GPC5: variants seen among roughly 807,000 people sequenced by gnomAD.
GPC5 encodes glypican 5.
Under a neutral mutation model 53.9 loss-of-function variants are expected in GPC5, and 47 were observed. That is an observed-to-expected ratio of 0.87 (90% CI 0.69 to 1.11). The LOEUF is 1.11. GPC5 is among the 50% of genes most tolerant of loss of function. The pLI, the probability that GPC5 is intolerant of heterozygous loss-of-function variation, is 0.00. For synonymous variants in GPC5, 286 were observed against 263.3 expected (o/e 1.09, Z -0.84); for missense variants, 748 against 713.1 (o/e 1.05, Z -0.56).
At chr13:91,885,796 T>A (rs538247766) in intron 5 of GPC5, among the ~76,000 whole-genome samples, 1 of 152,180 alleles carries the variant, frequency 6.6e-6, no homozygotes, top group African/African-American at 2.4e-5. Context: ...GTAGCCTTCA[T>A]CTCCTATTTC....
intron 7 of GPC5, among the ~76,000 whole-genome samples, chr13:92,571,289 C>G (rs1883014568): frequency 6.6e-6 from 1 of 152,128 alleles, no homozygotes; most frequent in South Asian, 2.1e-4. Flanking sequence ...TATAGAGAGA[C>G]AGCAACTCTG....
intron 6 of GPC5, among the ~76,000 whole-genome samples, chr13:91,937,783 T>G (rs946302907): frequency 2.0e-5 from 3 of 151,990 alleles, no homozygotes; most frequent in Non-Finnish European, 4.4e-5. Flanking sequence ...AGATAAACCT[T>G]AGGGTGTAAA....
At chr13:92,783,566 A>C (rs192295073) in intron 7 of GPC5, among the ~76,000 whole-genome samples, 3 of 152,304 alleles carry the variant, frequency 2.0e-5, no homozygotes, top group Non-Finnish European at 4.4e-5. Flanking sequence ...GGTACAAAAA[A>C]TGAGGGTCTT....
chr13:92,644,080 C>T (rs1476730731), intron 7 of GPC5, among the ~76,000 whole-genome samples: 1 of 152,104 alleles, frequency 6.6e-6, no homozygotes, highest in Non-Finnish European at 1.5e-5. Flanking sequence ...AAATTATAAG[C>T]CTATTGATAA....
intron 7 of GPC5, among the ~76,000 whole-genome samples, chr13:92,540,710 C>T (rs1435071403): frequency 6.6e-6 from 1 of 151,728 alleles, no homozygotes; most frequent in Admixed American, 6.6e-5. Flanking sequence ...CTACATATGC[C>T]CTCTATACAA....
At chr13:92,851,393 C>CAA (rs1878794776) in intron 7 of GPC5, among the ~76,000 whole-genome samples, 1 of 151,996 alleles carries the variant, frequency 6.6e-6, no homozygotes, top group Non-Finnish European at 1.5e-5. Flanking sequence ...TCAGGCAAGA[C>CAA]GCTGGAAGAG....
chr13:92,708,956 C>A (rs1888042583), intron 7 of GPC5, among the ~76,000 whole-genome samples: 1 of 136,160 alleles, frequency 7.3e-6, no homozygotes, highest in Non-Finnish European at 1.5e-5. Flanking sequence ...GATGTTGGCT[C>A]ACTGCAACCT....
chr13:91,503,348 T>C (rs1480470994), intron 2 of GPC5, among the ~76,000 whole-genome samples: 3 of 152,154 alleles, frequency 2.0e-5, no homozygotes, highest in Admixed American at 2.0e-4. Context: ...TTATTAATAA[T>C]AATAAAGTTG....
intron 6 of GPC5, chr13:92,059,827 G>T (rs1485024221): frequency 1.3e-5 from 2 of 151,910 alleles, no homozygotes; most frequent in African/African-American, 4.8e-5. Context: ...ATTTTTAGGT[G>T]AAGTTCACAT....
At chr13:91,908,699 C>T (rs1266239162) in intron 6 of GPC5, among the ~76,000 whole-genome samples, 3 of 151,920 alleles carry the variant, frequency 2.0e-5, no homozygotes, top group African/African-American at 7.2e-5. Context: ...TAGAACCAAA[C>T]ATTATGTTGC....
intron 7 of GPC5, among the ~76,000 whole-genome samples, chr13:92,291,650 G>T (rs563251419): frequency 6.6e-6 from 1 of 152,136 alleles, no homozygotes; most frequent in African/African-American, 2.4e-5. Context: ...ACCCGCTAGG[G>T]TCCCCTTCCA....
intron 7 of GPC5, among the ~76,000 whole-genome samples, chr13:92,763,565 G>C (rs188614071): frequency 6.6e-6 from 1 of 152,222 alleles, no homozygotes; most frequent in East Asian, 1.9e-4. Flanking sequence ...GCTGCTGCAG[G>C]AGCTCTGGGC....
chr13:92,776,479 A>T (rs925708603), intron 7 of GPC5, among the ~76,000 whole-genome samples: 1 of 152,216 alleles, frequency 6.6e-6, no homozygotes, highest in African/African-American at 2.4e-5. Context: ...ACTTAATCAC[A>T]TCTGCAAAGT....
intron 7 of GPC5, among the ~76,000 whole-genome samples, chr13:92,699,955 A>AGAGAT (rs760956761): frequency 6.6e-6 from 1 of 152,184 alleles, no homozygotes; most frequent in African/African-American, 2.4e-5. Flanking sequence ...CACTTGTTCC[A>AGAGAT]GAGATGAGTT....
intron 7 of GPC5, among the ~76,000 whole-genome samples, chr13:92,283,727 G>A (rs990641021): frequency 1.3e-5 from 2 of 152,124 alleles, no homozygotes; most frequent in Admixed American, 6.5e-5. Context: ...AGAATCTGTG[G>A]GACACATTTA....
At chr13:92,368,199 G>A (rs2043621110) in intron 7 of GPC5, among the ~76,000 whole-genome samples, 1 of 151,600 alleles carries the variant, frequency 6.6e-6, no homozygotes. Context: ...AGGCCAGTCT[G>A]GTCTCGAACT....
chr13:91,904,386 AAAC>A (rs1436539847), intron 5 of GPC5, among the ~76,000 whole-genome samples: 1 of 151,486 alleles, frequency 6.6e-6, no homozygotes, highest in East Asian at 1.9e-4. Flanking sequence ...TCTTAATTAG[AAAC>A]AATGAAACCT....
chr13:91,602,973 C>T (rs375658420), intron 2 of GPC5, among the ~76,000 whole-genome samples: 1 of 152,188 alleles, frequency 6.6e-6, no homozygotes, highest in African/African-American at 2.4e-5. Context: ...TTTGAATCCA[C>T]CAATGTACAT....
At chr13:92,110,964 G>A (rs985203185) in intron 6 of GPC5, among the ~76,000 whole-genome samples, 1 of 152,128 alleles carries the variant, frequency 6.6e-6, no homozygotes, top group African/African-American at 2.4e-5. Context: ...TGTATCACCT[G>A]TTGCATGTTG....
Sources: gnomAD v4.1 joint callset for allele counts (sites outside exome capture counted in the v4.1 genomes callset) on GRCh38, gnomAD v4.1.1 for gene constraint, MANE v1.5 for transcripts, NCBI Gene and HGNC (gene_info 2026-07-23, HGNC 2026-07-21) for gene names.